ARFGEF1: variants seen among roughly 807,000 people sequenced by gnomAD.
ARFGEF1 encodes brefeldin A-inhibited guanine nucleotide-exchange protein 1.
In ARFGEF1, 42 loss-of-function variants were observed where a neutral mutation model predicts 231.0. The ratio of observed to expected loss-of-function variants is 0.18; its 90% CI spans 0.14 to 0.24. The LOEUF (loss-of-function observed/expected upper bound fraction) is 0.24. Ranked by LOEUF, ARFGEF1 falls within the 10% of genes least tolerant of loss-of-function variation. The pLI is 1.00. For synonymous variants in ARFGEF1, 710 were observed against 732.3 expected (o/e 0.97, Z 0.49); for missense variants, 1,345 against 2,192.0 (o/e 0.61, Z 7.72).
chr8:67,220,881 GTC>G (rs1839128823), intron 29 of ARFGEF1, among the ~76,000 whole-genome samples: 1 of 147,184 alleles, frequency 6.8e-6, no homozygotes, highest in African/African-American at 2.6e-5. Flanking sequence ...TGTGGAAAAT[GTC>G]TTTTTTTCCT....
downstream of ARFGEF1, chr8:67,195,340 C>T (rs936793531): frequency 7.6e-6 from 10 of 1,314,276 alleles, no homozygotes; most frequent in South Asian, 3.5e-5. Flanking sequence ...CTCCTGCCTG[C>T]CACCTGTGTT....
intron 34 of ARFGEF1, among the ~76,000 whole-genome samples, chr8:67,206,323 T>C (rs1164195230): frequency 6.8e-6 from 1 of 147,524 alleles, no homozygotes; most frequent in Non-Finnish European, 1.5e-5. Flanking sequence ...GGCAGAAGAA[T>C]GGCTTGATCC....
At chr8:67,326,343 A>G (rs1443086638) in intron 1 of ARFGEF1, among the ~76,000 whole-genome samples, 1 of 152,272 alleles carries the variant, frequency 6.6e-6, no homozygotes, top group Non-Finnish European at 1.5e-5. Flanking sequence ...TCTAGAAAGG[A>G]TGTAAACCGA....
chr8:67,188,504 A>T (rs1835305744), intron 5 of ARFGEF1, among the ~76,000 whole-genome samples: 1 of 152,230 alleles, frequency 6.6e-6, no homozygotes, highest in African/African-American at 2.4e-5. Flanking sequence ...AATGATCGGG[A>T]TATAAACCCC....
At chr8:67,329,081 CCAGGCA>C (rs1460887319) in intron 1 of ARFGEF1, among the ~76,000 whole-genome samples, 1 of 151,748 alleles carries the variant, frequency 6.6e-6, no homozygotes, top group African/African-American at 2.4e-5. Context: ...CAAAAATTAG[CCAGGCA>C]TGCTGGCATG....
intron 1 of ARFGEF1, among the ~76,000 whole-genome samples, chr8:67,319,305 C>G (rs1474914983): frequency 1.3e-5 from 2 of 152,076 alleles, no homozygotes; most frequent in African/African-American, 2.4e-5. Context: ...AAATCCCTAT[C>G]TCCAATTTTA....
chr8:67,198,165 A>AT lies in ARFGEF1; in HGVS notation c.*768dup. On this transcript the variant is annotated 3_prime_UTR_variant, in exon 39 of 39. Transcript: ENST00000262215. ...GGATATTTTCTACCTTTTTTTCCCT[A>AT]TTGTTGAAGTGTCGGCCACAACAGC... 1 of 985,528 alleles carries AT rather than the reference A, an allele frequency of 1.0e-6. No individual in the cohort carries two copies. The highest frequency in any genetic ancestry group is 1.2e-6 in the Non-Finnish European group (1 of 829,838). The allele number at this position is 985,528 out of a possible 1,614,324, so 61.0% of individuals were successfully genotyped here.
chr8:67,265,216 A>G (rs1014735765), intron 14 of ARFGEF1, among the ~76,000 whole-genome samples: 11 of 152,164 alleles, frequency 7.2e-5, no homozygotes, highest in Admixed American at 7.2e-4. Context: ...TTTTTGTTGA[A>G]CTGTTTTTCA....
At position 67,200,540 on chromosome 8, in the gene ARFGEF1, G is replaced by A. The variant is rs765829169; in HGVS notation, c.5268-27C>T. ...TGCAAAAGAAAAGGTTTCCTTTAAT[G>A]TTACTTGCGTATCTACTGGTCCCCA... is the stretch of plus-strand genomic sequence containing the variant. On this transcript the variant is annotated intron_variant, in intron 37 of 38. Transcript: ENST00000262215. The A allele has an allele frequency of 8.0e-6, 11 of 1,378,810 alleles. No homozygotes were observed. In the Admixed American group the frequency reaches 1.7e-4, roughly 22 times the overall value. 85.4% of individuals were successfully genotyped at this position (1,378,810 alleles called of 1,614,324 possible). A position where few individuals can be genotyped will look rare whatever the true frequency, so the allele number is the denominator to read the frequency against.
Position 67,216,659 on chromosome 8 carries a change from C to T in ARFGEF1, c.4617G>A (p.Leu1539=), listed in dbSNP as rs368556038. The T allele has an allele frequency of 1.9e-5, 30 of 1,607,190 alleles. No homozygotes were observed. The South Asian group carries it at 2.8e-4, about 15-fold the overall frequency. ...CTCCAGAATTGGGTCGCCAGGTCAA[C>T]AGCCTTTAAGATACCAAAACCACGT... is the stretch of plus-strand genomic sequence containing the variant. ...DIFKTTIPHA[L]LTWRPNSGET... The change falls in exon 33 of 39, where the codon CTG becomes CTA. Residue 1539 remains leucine, a synonymous_variant. Coordinates refer to ENST00000262215, the MANE Select transcript of ARFGEF1 (RefSeq NM_006421.5).
chr8:67,329,858 C>T (rs746246319), intron 1 of ARFGEF1, among the ~76,000 whole-genome samples: 19 of 151,702 alleles, frequency 1.3e-4, no homozygotes, highest in Admixed American at 2.0e-4. Context: ...AGCTTATTTG[C>T]TATTAATGAA....
At chr8:67,303,715 TA>T (rs879264401) in intron 1 of ARFGEF1, among the ~76,000 whole-genome samples, 6,173 of 142,690 alleles carry the variant, frequency 0.043, 245 homozygotes, top group African/African-American at 0.099. Context: ...CTCCATCTCT[TA>T]AAAAAAAAAA....
chr8:67,175,326 T>C, downstream of ARFGEF1: 1 of 1,612,982 alleles, frequency 6.2e-7, no homozygotes, highest in Non-Finnish European at 8.5e-7. Context: ...CTGAAATTTA[T>C]GTACCTGGAT....
intron 1 of ARFGEF1, among the ~76,000 whole-genome samples, chr8:67,302,685 G>C (rs964878831): frequency 1.7e-4 from 26 of 152,074 alleles, no homozygotes. Flanking sequence ...CATAAGGATA[G>C]GTGAAGTTAC....
Position 67,216,661 on chromosome 8 carries a change from G to T in ARFGEF1, c.4615C>A (p.Leu1539Met), listed in dbSNP as rs1368306069. Residue 1539 changes from leucine to methionine, a missense_variant and splice_region_variant, in exon 33 of 39, where the codon CTG becomes ATG. Physicochemically the swap from Leu to Met is conservative, Grantham distance 15. Transcript: ENST00000262215. The part of the protein sequence containing the change: ...DIFKTTIPHA[L>M]LTWRPNSGET... ...CCAGAATTGGGTCGCCAGGTCAACA[G>T]CCTTTAAGATACCAAAACCACGTCA... The T allele has an allele frequency of 6.2e-7, 1 of 1,601,740 alleles. No homozygotes were observed. The highest frequency in any genetic ancestry group is 1.4e-5 in the African/African-American group (1 of 73,698).
chr8:67,305,070 A>G (rs1211732926), intron 1 of ARFGEF1, among the ~76,000 whole-genome samples: 1 of 152,226 alleles, frequency 6.6e-6, no homozygotes, highest in African/African-American at 2.4e-5. Context: ...CTAGTTAAGT[A>G]AATTATACGC....
intron 29 of ARFGEF1, 51 bp from the exon 30 acceptor site, chr8:67,219,611 C>A: frequency 6.6e-7 from 1 of 1,525,684 alleles, no homozygotes; most frequent in Non-Finnish European, 8.8e-7. Context: ...AAGCATACTT[C>A]TCCTAAAATA....
At chr8:67,190,760 G>GTA (rs1563799802) in intron 5 of ARFGEF1, 1 of 1,591,610 alleles carries the variant, frequency 6.3e-7, no homozygotes. Flanking sequence ...ACTAGACATT[G>GTA]TATGTATGAG....
At chr8:67,301,870 T>A (rs1016665196) in intron 2 of ARFGEF1, among the ~76,000 whole-genome samples, 2 of 152,216 alleles carry the variant, frequency 1.3e-5, no homozygotes, top group Non-Finnish European at 2.9e-5. Flanking sequence ...ATTTCAGAAG[T>A]ATCTTTATAT....
Sources: gnomAD v4.1 joint callset for allele counts (sites outside exome capture counted in the v4.1 genomes callset) on GRCh38, gnomAD v4.1.1 for gene constraint, MANE v1.5 for transcripts, NCBI Gene and HGNC (gene_info 2026-07-23, HGNC 2026-07-21) for gene names.